SHANK2: variants seen among roughly 807,000 people sequenced by gnomAD.
The protein encoded by SHANK2 is SH3 and multiple ankyrin repeat domains protein 2.
In SHANK2, 43 loss-of-function variants were observed where a neutral mutation model predicts 133.7. The observed-to-expected ratio is 0.32, with a 90% CI of 0.25 to 0.41. The LOEUF (loss-of-function observed/expected upper bound fraction) is 0.41, where lower values mean the gene tolerates loss of function less well. SHANK2 is among the 10% of genes least tolerant of loss of function. The pLI is 1.00. For synonymous variants in SHANK2, 1,017 were observed against 952.8 expected, an observed-to-expected ratio of 1.07 and a Z score of -1.24; for missense variants, 1,994 against 2,235.8, an observed-to-expected ratio of 0.89 and a Z score of 2.18.
At chr11:71,155,304 C>T (rs1180863515) in intron 2 of SHANK2, among the ~76,000 whole-genome samples, 1 of 130,712 alleles carries the variant, frequency 7.7e-6, no homozygotes, top group African/African-American at 3.0e-5. Flanking sequence ...TACCCCAGCC[C>T]AAGCTCCCAG....
chr11:70,683,697 G>A (rs1205096603), intron 15 of SHANK2, among the ~76,000 whole-genome samples: 3 of 152,142 alleles, frequency 2.0e-5, no homozygotes, highest in Admixed American at 1.3e-4. Flanking sequence ...GGTGGCTGCA[G>A]CAGGCATTCC....
intron 17 of SHANK2, among the ~76,000 whole-genome samples, chr11:70,528,953 C>CCA (rs1554972677): frequency 1.3e-5 from 2 of 152,138 alleles, no homozygotes; most frequent in African/African-American, 4.8e-5. Flanking sequence ...GATTTCCCCC[C>CCA]ACTGGTGGCC....
chr11:70,838,923 G>A (rs184373092), intron 11 of SHANK2, among the ~76,000 whole-genome samples: 1 of 152,252 alleles, frequency 6.6e-6, no homozygotes, highest in Non-Finnish European at 1.5e-5. Context: ...GCCTTACAAG[G>A]GTGGGGGGCC....
At chr11:71,094,909 C>G (rs1951580086) in intron 6 of SHANK2, among the ~76,000 whole-genome samples, 1 of 152,248 alleles carries the variant, frequency 6.6e-6, no homozygotes, top group Non-Finnish European at 1.5e-5. Flanking sequence ...GCGTACAACA[C>G]AGCGGTGGCA....
intron 10 of SHANK2, among the ~76,000 whole-genome samples, 177 bp from the exon 11 acceptor site, chr11:70,896,744 C>T (rs1949940537): frequency 6.6e-6 from 1 of 152,228 alleles, no homozygotes; most frequent in Non-Finnish European, 1.5e-5. Context: ...TCACTTCTCT[C>T]AAAGCAGTTG....
chr11:70,870,642 C>T (rs1219728581), intron 11 of SHANK2, among the ~76,000 whole-genome samples: 1 of 152,160 alleles, frequency 6.6e-6, no homozygotes, highest in Non-Finnish European at 1.5e-5. Flanking sequence ...CCAGGCCTGT[C>T]TCTCCAGCTC....
intron 17 of SHANK2, among the ~76,000 whole-genome samples, chr11:70,571,791 G>A (rs782074479): frequency 1.2e-4 from 18 of 152,018 alleles, no homozygotes; most frequent in African/African-American, 3.1e-4. Context: ...GGAGGGGTGC[G>A]GCATCAGGGG....
Position 70,502,682 on chromosome 11 carries a change from G to C in SHANK2, c.2197+114C>G, listed in dbSNP as rs1480097037. Reference sequence around the variant, plus strand: ...CCTCACCCCTGTGCCTGGGCTCTCAGAAGTGTGGGATCAGCTGGAGAGAGG... The same window carrying C: ...CCTCACCCCTGTGCCTGGGCTCTCACAAGTGTGGGATCAGCTGGAGAGAGG... On this transcript the variant is annotated intron_variant, in intron 18 of 25. Transcript: ENST00000601538. 8.8e-6 allele frequency: 11 copies of C among 1,249,146 alleles called. No homozygotes were observed. In the East Asian group the frequency reaches 2.5e-4, roughly 29 times the overall value. The allele number at this position is 1,249,146 out of a possible 1,614,324, so 77.4% of individuals were successfully genotyped here.
At position 71,214,860 on chromosome 11, in the gene SHANK2, G is replaced by A. The variant is rs933244601; in HGVS notation, c.-13+9837C>T. Among the ~76,000 whole-genome samples the A allele has an allele frequency of 3.9e-5, 6 of 152,372 alleles. No homozygotes were observed. The South Asian group carries it at 1.0e-3, about 26-fold the overall frequency. On this transcript the variant is annotated intron_variant, in intron 2 of 25. Transcript: ENST00000601538. ...CTAGACCAGCAGGTGCTCGATGGGA[G>A]GCCTGGGGGTGGCCACAGCCTTTCG...
chr11:70,874,804 T>C (rs1355734293), intron 11 of SHANK2, among the ~76,000 whole-genome samples: 1 of 152,184 alleles, frequency 6.6e-6, no homozygotes, highest in Admixed American at 6.5e-5. Flanking sequence ...GAGTTCACTT[T>C]GTCTTTATAG....
chr11:70,866,334 T>C (rs1949359028), intron 11 of SHANK2, among the ~76,000 whole-genome samples: 1 of 151,872 alleles, frequency 6.6e-6, no homozygotes, highest in Non-Finnish European at 1.5e-5. Flanking sequence ...AGGGATCTAG[T>C]CACAGAAAAT....
chr11:70,954,012 C>A (rs542301478), intron 10 of SHANK2, among the ~76,000 whole-genome samples: 63 of 152,178 alleles, frequency 4.1e-4, no homozygotes, highest in Non-Finnish European at 5.7e-4. Flanking sequence ...ATGAACTTTA[C>A]AATTTGCCCA....
At chr11:71,112,212 G>T (rs1951901552) in intron 5 of SHANK2, among the ~76,000 whole-genome samples, 1 of 152,134 alleles carries the variant, frequency 6.6e-6, no homozygotes, top group Non-Finnish European at 1.5e-5. Flanking sequence ...TGGCCAACGT[G>T]GCAAAACCCC....
intron 5 of SHANK2, among the ~76,000 whole-genome samples, chr11:71,111,817 T>C (rs1485121746): frequency 2.0e-5 from 3 of 152,230 alleles, no homozygotes; most frequent in African/African-American, 7.2e-5. Context: ...CACAAATACG[T>C]TTTTATCTGC....
intron 11 of SHANK2, among the ~76,000 whole-genome samples, chr11:70,836,030 A>G (rs1225228850): frequency 6.6e-6 from 1 of 152,072 alleles, no homozygotes; most frequent in Non-Finnish European, 1.5e-5. Flanking sequence ...TCTCCCATAC[A>G]AGAGAGCCCA....
chr11:70,748,395 G>A (rs1033624053), intron 14 of SHANK2, among the ~76,000 whole-genome samples: 5 of 152,118 alleles, frequency 3.3e-5, no homozygotes, highest in African/African-American at 7.2e-5. Flanking sequence ...CCAGAAAAAG[G>A]GACCGTCCCC....
chr11:71,061,925 C>T (rs912969805), intron 9 of SHANK2, among the ~76,000 whole-genome samples: 1 of 152,024 alleles, frequency 6.6e-6, no homozygotes, highest in African/African-American at 2.4e-5. Context: ...CGTCAAATCA[C>T]CCCCAGTGGG....
intron 17 of SHANK2, among the ~76,000 whole-genome samples, chr11:70,538,410 T>C (rs2059571825): frequency 6.6e-6 from 1 of 152,230 alleles, no homozygotes; most frequent in Non-Finnish European, 1.5e-5. Flanking sequence ...TCTTGTGGAC[T>C]GCACGCTAGG....
chr11:71,085,841 CAATA>C (rs1951391973), intron 8 of SHANK2, among the ~76,000 whole-genome samples: 8 of 2,706 alleles, frequency 3.0e-3, no homozygotes, highest in Non-Finnish European at 4.0e-3. Flanking sequence ...TATTATACAA[CAATA>C]ATATATATTG....
Sources: allele counts gnomAD v4.1 joint callset (sites outside exome capture counted in the v4.1 genomes callset), GRCh38; gene constraint gnomAD v4.1.1; transcripts MANE v1.5; gene names NCBI Gene and HGNC (gene_info 2026-07-23, HGNC 2026-07-21).